FMN2: variants seen among roughly 807,000 people sequenced by gnomAD.
FMN2 encodes the protein formin-2.
FMN2 carries 51 observed loss-of-function variants against 142.3 expected under a neutral mutation model. The ratio of observed to expected loss-of-function variants is 0.36; its 90% CI spans 0.29 to 0.45. The LOEUF (loss-of-function observed/expected upper bound fraction) is 0.45. Ranked by LOEUF, FMN2 falls within the 20% of genes least tolerant of loss-of-function variation. The pLI, the probability that FMN2 is intolerant of heterozygous loss-of-function variation, is 1.00. For synonymous variants in FMN2, 882 were observed against 869.8 expected (o/e 1.01, Z -0.25); for missense variants, 1,936 against 2,122.8 (o/e 0.91, Z 1.73).
At chr1:240,304,015 T>C (rs4659959) in intron 8 of FMN2, among the ~76,000 whole-genome samples, 31,550 of 152,104 alleles carry the variant, frequency 0.21, 3,540 homozygotes, top group Admixed American at 0.33. Flanking sequence ...ATTTTTCACC[T>C]TCTTTTTGAT....
At chr1:240,339,502 C>G (rs1392848648) in intron 13 of FMN2, among the ~76,000 whole-genome samples, 2 of 151,562 alleles carry the variant, frequency 1.3e-5, no homozygotes, top group Non-Finnish European at 2.9e-5. Flanking sequence ...GGGAACACTA[C>G]TGTTTTATGA....
intron 3 of FMN2, 50 bp from the exon 4 acceptor site, chr1:240,188,157 A>G (rs756102826): frequency 1.3e-6 from 2 of 1,553,744 alleles, no homozygotes; most frequent in South Asian, 1.2e-5. Context: ...TTGAAGAAAT[A>G]GGAAAATTGT....
chr1:240,298,084 C>T (rs879476901), intron 8 of FMN2, among the ~76,000 whole-genome samples: 15 of 152,076 alleles, frequency 9.9e-5, no homozygotes, highest in Middle Eastern at 3.2e-3. Flanking sequence ...GAGGGTGGGG[C>T]GTAAACATTC....
At chr1:240,227,180 A>G (rs557505870) in intron 6 of FMN2, among the ~76,000 whole-genome samples, 6 of 152,232 alleles carry the variant, frequency 3.9e-5, no homozygotes, top group Non-Finnish European at 8.8e-5. Flanking sequence ...GTGAAAATGT[A>G]ATTAGGAAAA....
chr1:240,324,329 A>G (rs2103005156), intron 8 of FMN2, among the ~76,000 whole-genome samples: 1 of 152,268 alleles, frequency 6.6e-6, no homozygotes, highest in South Asian at 2.1e-4. Context: ...GCACTTGATG[A>G]AAACGATTTT....
intron 4 of FMN2, among the ~76,000 whole-genome samples, chr1:240,206,188 ACC>A (rs1666345552): frequency 6.6e-6 from 1 of 152,070 alleles, no homozygotes; most frequent in Admixed American, 6.6e-5. Flanking sequence ...ACAGGTGTGA[ACC>A]ACCATGTCTG....
At chr1:240,160,633 A>G (rs1013382002) in intron 2 of FMN2, among the ~76,000 whole-genome samples, 1 of 151,968 alleles carries the variant, frequency 6.6e-6, no homozygotes, top group Admixed American at 6.6e-5. Context: ...AAGGACAATT[A>G]TAAGAAATCT....
Position 240,174,955 on chromosome 1 carries a change from C to T in FMN2, c.1783-2966C>T, listed in dbSNP as rs145394070. On this transcript the variant is annotated intron_variant, in intron 2 of 17. Coordinates refer to ENST00000319653, the MANE Select transcript of FMN2 (RefSeq NM_020066.5). ...TTTTTCTTCTTGCAAAACTGAAAGT[C>T]TGTACCCGTTACATTGCAACAACTT... is the stretch of plus-strand genomic sequence containing the variant. Among the ~76,000 whole-genome samples the T allele has an allele frequency of 8.5e-3, 1,295 of 152,302 alleles. 3 individuals carry two copies. Among genetic ancestry groups the T allele is most frequent in the Non-Finnish European group, 0.013 (886 of 68,018 alleles).
intron 8 of FMN2, among the ~76,000 whole-genome samples, chr1:240,302,252 T>C (rs1670226781): frequency 6.6e-6 from 1 of 152,056 alleles, no homozygotes; most frequent in South Asian, 2.1e-4. Context: ...TTGTTACAAA[T>C]TGAATAGTTA....
chr1:240,243,318 G>A (rs542683158), intron 6 of FMN2, among the ~76,000 whole-genome samples: 1 of 152,262 alleles, frequency 6.6e-6, no homozygotes, highest in African/African-American at 2.4e-5. Flanking sequence ...ATCTAGAGAT[G>A]AATTTATCTT....
At position 240,092,007 on chromosome 1, in the gene FMN2, G is replaced by T; in HGVS notation, c.-103G>T. On this transcript the variant is annotated 5_prime_UTR_variant, in exon 1 of 18. Transcript: ENST00000319653. ...CCTCCCAGCGGCTCCCCCCGCCGCC[G>T]CCTGACTCTCCCGGGAGACTCCCTA... 1 of 1,385,994 alleles carries T rather than the reference G, an allele frequency of 7.2e-7. No homozygotes were observed. Among genetic ancestry groups the T allele is most frequent in the Non-Finnish European group, 9.3e-7 (1 of 1,079,542 alleles). 85.9% of individuals were successfully genotyped at this position (1,385,994 alleles called of 1,614,324 possible).
At chr1:240,363,224 T>TA (rs1258007453) in intron 14 of FMN2, among the ~76,000 whole-genome samples, 1 of 152,232 alleles carries the variant, frequency 6.6e-6, no homozygotes, top group Non-Finnish European at 1.5e-5. Flanking sequence ...GAAAATATGA[T>TA]AAAGACACTT....
intron 13 of FMN2, among the ~76,000 whole-genome samples, chr1:240,337,023 C>G (rs944923154): frequency 6.6e-6 from 1 of 151,836 alleles, no homozygotes; most frequent in Non-Finnish European, 1.5e-5. Flanking sequence ...TTCGTATCAA[C>G]AACGCATGAA....
intron 2 of FMN2, among the ~76,000 whole-genome samples, chr1:240,126,718 A>G (rs1662523278): frequency 1.3e-5 from 2 of 152,206 alleles, no homozygotes; most frequent in South Asian, 2.1e-4. Context: ...TTTACCAAAT[A>G]TATTCATTCT....
intron 15 of FMN2, among the ~76,000 whole-genome samples, chr1:240,420,665 C>T (rs1360965529): frequency 1.3e-5 from 2 of 152,160 alleles, no homozygotes; most frequent in African/African-American, 4.8e-5. Context: ...TGGATGCCGT[C>T]ACAGCTGGTG....
intron 7 of FMN2, among the ~76,000 whole-genome samples, chr1:240,270,041 C>A (rs1668943907): frequency 6.6e-6 from 1 of 152,042 alleles, no homozygotes; most frequent in South Asian, 2.1e-4. Context: ...TGCCTAATTG[C>A]TCTGGCTAGG....
intron 13 of FMN2, among the ~76,000 whole-genome samples, chr1:240,348,267 G>A (rs1170206027): frequency 1.3e-5 from 2 of 150,806 alleles, no homozygotes; most frequent in Non-Finnish European, 1.5e-5. Context: ...TGTCACCCAG[G>A]CTAGAGTGCA....
chr1:240,202,431 T>C (rs1314269027), intron 4 of FMN2, among the ~76,000 whole-genome samples: 1 of 152,168 alleles, frequency 6.6e-6, no homozygotes, highest in African/African-American at 2.4e-5. Flanking sequence ...GAAATCCATG[T>C]AGAAAGAGGT....
chr1:240,385,246 A>G (rs1251807371), intron 14 of FMN2, among the ~76,000 whole-genome samples: 1 of 152,208 alleles, frequency 6.6e-6, no homozygotes, highest in East Asian at 1.9e-4. Flanking sequence ...ATTGCTTTCA[A>G]TATGGAAAGC....
Sources: gnomAD v4.1 joint callset for allele counts (sites outside exome capture counted in the v4.1 genomes callset) on GRCh38, gnomAD v4.1.1 for gene constraint, MANE v1.5 for transcripts, NCBI Gene and HGNC (gene_info 2026-07-23, HGNC 2026-07-21) for gene names.